PTPN6: variants seen among roughly 807,000 people sequenced by gnomAD.
The protein encoded by PTPN6 is protein tyrosine phosphatase non-receptor type 6.
Under a neutral mutation model 81.5 loss-of-function variants are expected in PTPN6, and 18 were observed. That is an observed-to-expected ratio of 0.22 (90% confidence interval 0.15 to 0.33). The LOEUF (loss-of-function observed/expected upper bound fraction) is 0.33, where lower values mean the gene tolerates loss of function less well. Ranked by LOEUF, PTPN6 falls within the 10% of genes least tolerant of loss-of-function variation. The probability of loss-of-function intolerance (pLI) is 1.00; values close to 1 mark genes in which losing one functional copy is unlikely to be tolerated. For synonymous variants in PTPN6, 301 were observed against 310.9 expected, an observed-to-expected ratio of 0.97 and a Z score of 0.33; for missense variants, 500 against 794.2, an observed-to-expected ratio of 0.63 and a Z score of 4.45.
rs1946094299 is a variant in PTPN6 at position 6,959,713 on chromosome 12, C to T, written c.1362-214C>T. Reference sequence around the variant, plus strand: ...GGAAGGATGGTGGCAGCTGGGGAGCCAGCGTCAGCACCGCAGAGCCCGAGG... The same window carrying T: ...GGAAGGATGGTGGCAGCTGGGGAGCTAGCGTCAGCACCGCAGAGCCCGAGG... On this transcript the variant is annotated intron_variant, in intron 11 of 15. Transcript: ENST00000318974. The surrounding 1 kb of genome is among the most constrained non-coding windows in gnomAD (Gnocchi z 6.6). 4.9e-6 allele frequency: 3 copies of T among 613,274 alleles called. No individual in the cohort carries two copies. The highest frequency in any genetic ancestry group is 3.7e-5 in the African/African-American group (2 of 54,314). 38.0% of individuals were successfully genotyped at this position (613,274 alleles called of 1,614,324 possible). A position where few individuals can be genotyped will look rare whatever the true frequency, so the allele number is the denominator to read the frequency against.
chr12:6,946,733 C>A, upstream of PTPN6: 1 of 1,612,380 alleles, frequency 6.2e-7, no homozygotes, highest in Non-Finnish European at 8.5e-7. Context: ...GAGATGCTGT[C>A]CCGTGGGTAA....
At chr12:6,953,964 A>G (rs1565581038) in intron 3 of PTPN6, among the ~76,000 whole-genome samples, 1 of 147,098 alleles carries the variant, frequency 6.8e-6, no homozygotes, top group Non-Finnish European at 1.5e-5. Flanking sequence ...CTCACTTCTC[A>G]CTCTCTCCCC....
Position 6,952,043 on chromosome 12 carries a change from T to C in PTPN6, c.192T>C (p.Tyr64=), listed in dbSNP as rs1468285898. The change falls in exon 3 of 16, where the codon TAT becomes TAC. Residue 64 remains tyrosine, a synonymous_variant. Transcript: ENST00000318974. The surrounding 1 kb of genome is among the most constrained non-coding windows in gnomAD (Gnocchi z 8.1). ...IQNSGDFYDL[Y]GGEKFATLTE... ...ACTCAGGGGATTTCTATGACCTGTATGGAGGGGAGAAGTTTGCGACTCTGA... is the reference window on the plus strand; with the variant it reads ...ACTCAGGGGATTTCTATGACCTGTACGGAGGGGAGAAGTTTGCGACTCTGA... 3 of 1,614,004 alleles carry C rather than the reference T, an allele frequency of 1.9e-6. No individual in the cohort carries two copies. Among genetic ancestry groups the C allele is most frequent in the Non-Finnish European group, 2.5e-6 (3 of 1,180,030 alleles).
At chr12:6,947,539 C>T (rs1945846159), upstream of PTPN6, among the ~76,000 whole-genome samples, 2 of 151,942 alleles carry the variant, frequency 1.3e-5, no homozygotes, top group South Asian at 4.1e-4. Context: ...TGTGGTGGCA[C>T]ACGTCCTGTG....
In PTPN6 at chr12:6,959,921, C is replaced by T. The variant is rs782384142; in HGVS notation, c.1362-6C>T. The T allele has an allele frequency of 4.3e-6, 7 of 1,611,064 alleles. No individual in the cohort carries two copies. The South Asian group carries it at 7.7e-5, about 18-fold the overall frequency. On this transcript the variant is annotated splice_region_variant and splice_polypyrimidine_tract_variant and intron_variant, in intron 11 of 15. Coordinates refer to ENST00000318974, the MANE Select transcript of PTPN6 (RefSeq NM_002831.6). This position sits in a 1 kb window ranked among gnomAD's most constrained non-coding sequence, Gnocchi z 6.6. Reference sequence around the variant, plus strand: ...GGCCTCTGATGGCACCCCCGTCTTTCCCCAGCGCCGGCATCGGCCGCACAG... The same window carrying T: ...GGCCTCTGATGGCACCCCCGTCTTTTCCCAGCGCCGGCATCGGCCGCACAG...
At position 6,956,107 on chromosome 12, in the gene PTPN6, C is replaced by T. The variant is rs782421799; in HGVS notation, c.845-35C>T. 6.2e-7 allele frequency: 1 copy of T among 1,610,630 alleles called. No individual in the cohort carries two copies. The highest frequency in any genetic ancestry group is 1.1e-5 in the South Asian group (1 of 91,000). ...CAGGTGTGGTGAGTCCCTGGCTAAC[C>T]CAGACCATCTCGCCTCCTCTCCGCC... On this transcript the variant is annotated intron_variant, in intron 7 of 15. Coordinates refer to ENST00000318974, the MANE Select transcript of PTPN6 (RefSeq NM_002831.6). The surrounding 1 kb of genome is among the most constrained non-coding windows in gnomAD (Gnocchi z 4.1).
Position 6,956,957 on chromosome 12 carries a change from AAGT to A in PTPN6, c.1074+390_1074+392del, listed in dbSNP as rs1555148817. Among the ~76,000 whole-genome samples, 2 of 152,170 alleles carry A rather than the reference AAGT, an allele frequency of 1.3e-5. No individual in the cohort carries two copies. Among genetic ancestry groups the A allele is most frequent in the African/African-American group, 2.4e-5 (1 of 41,430 alleles). On this transcript the variant is annotated intron_variant, in intron 9 of 15. Transcript: ENST00000318974. The surrounding 1 kb of genome is among the most constrained non-coding windows in gnomAD (Gnocchi z 4.1). ...TCCCATCCGTGACACAAACTGGGTC[AAGT>A]TCCTTCCTTTCTGAAATCTCTTCCA... is the stretch of plus-strand genomic sequence containing the variant.
rs918285820 is a variant in PTPN6 at position 6,959,088 on chromosome 12, C to A, written c.1362-839C>A. Among the ~76,000 whole-genome samples, 1 of 152,240 alleles carries A rather than the reference C, an allele frequency of 6.6e-6. No individual in the cohort carries two copies. Among genetic ancestry groups the A allele is most frequent in the African/African-American group, 2.4e-5 (1 of 41,468 alleles). ...TCCTCTTCCCCCAGCAGCTGTTTGT[C>A]CTGGGACAGGGCAAGTCGGCTGAAT... On this transcript the variant is annotated intron_variant, in intron 11 of 15. Coordinates refer to ENST00000318974, the MANE Select transcript of PTPN6 (RefSeq NM_002831.6). The surrounding 1 kb of genome is among the most constrained non-coding windows in gnomAD (Gnocchi z 6.6).
At chr12:6,946,932 CCT>C (rs2138247318), upstream of PTPN6, among the ~76,000 whole-genome samples, 1 of 152,330 alleles carries the variant, frequency 6.6e-6, no homozygotes, top group Non-Finnish European at 1.5e-5. Context: ...TCCTCTGCCC[CCT>C]CTTTAACATT....
chr12:6,960,361 G>A lies in PTPN6; in HGVS notation c.1599G>A (p.Glu533=). ...LEVLQSQKGQ[E]SEYGNITYPP... is the part of the protein sequence containing the mutation. ...GCCCACAGTCGCAGAAGGGCCAGGA[G>A]TCGGAGTACGGGAACATCACCTATC... The change falls in exon 14 of 16, where the codon GAG becomes GAA. Residue 533 remains glutamate, a synonymous_variant. Coordinates refer to ENST00000318974, the MANE Select transcript of PTPN6 (RefSeq NM_002831.6). The surrounding 1 kb of genome is among the most constrained non-coding windows in gnomAD (Gnocchi z 6.1). 1 of 1,613,586 alleles carries A rather than the reference G, an allele frequency of 6.2e-7. No individual in the cohort carries two copies. The highest frequency in any genetic ancestry group is 8.5e-7 in the Non-Finnish European group (1 of 1,179,998).
At chr12:6,958,316 G>A (rs1245623630) in intron 11 of PTPN6, among the ~76,000 whole-genome samples, 6 of 152,196 alleles carry the variant, frequency 3.9e-5, no homozygotes, top group Non-Finnish European at 4.4e-5. Flanking sequence ...GTACCATCTC[G>A]CCCAACCCTG....
intron 11 of PTPN6, among the ~76,000 whole-genome samples, chr12:6,958,391 C>T (rs1182353542): frequency 2.0e-5 from 3 of 152,244 alleles, no homozygotes; most frequent in African/African-American, 7.2e-5. Flanking sequence ...AGGGCAAGGC[C>T]GGGCAGGCAC....
Position 6,960,120 on chromosome 12 carries a change from A to G in PTPN6, c.1462A>G (p.Ile488Val). The G allele has an allele frequency of 6.2e-7, 1 of 1,613,832 alleles. No homozygotes were observed. The highest frequency in any genetic ancestry group is 8.5e-7 in the Non-Finnish European group (1 of 1,180,020). Residue 488 changes from isoleucine to valine, a missense_variant, in exon 13 of 16, where the codon ATC becomes GTC. Physicochemically the swap from Ile to Val is conservative, Grantham distance 29. Coordinates refer to ENST00000318974, the MANE Select transcript of PTPN6 (RefSeq NM_002831.6). The surrounding 1 kb of genome is among the most constrained non-coding windows in gnomAD (Gnocchi z 6.1). ...CTGTGACATTGACATCCAGAAGACC[A>G]TCCAGATGGTGCGGGCGCAGCGCTC... The part of the protein sequence containing the change: ...LDCDIDIQKT[I>V]QMVRAQRSGM...
At chr12:6,958,196 G>T in intron 11 of PTPN6, 123 bp downstream of exon 11, 1 of 1,356,912 alleles carries the variant, frequency 7.4e-7, no homozygotes, top group South Asian at 1.2e-5. Context: ...CTCACCCCCG[G>T]CTTCTCCTGG....
chr12:6,960,506 G>A lies in PTPN6; in HGVS notation c.1673+71G>A, dbSNP rs922157985. On this transcript the variant is annotated intron_variant, in intron 14 of 15. Coordinates refer to ENST00000318974, the MANE Select transcript of PTPN6 (RefSeq NM_002831.6). This position sits in a 1 kb window ranked among gnomAD's most constrained non-coding sequence, Gnocchi z 6.1. Reference sequence around the variant, plus strand: ...TGCCCAGCCCGATCCTCACTTTCTGGAGAGGACAAGTGTTGCAGCTGGGGG... The same window carrying A: ...TGCCCAGCCCGATCCTCACTTTCTGAAGAGGACAAGTGTTGCAGCTGGGGG... 7 of 1,527,332 alleles carry A rather than the reference G, an allele frequency of 4.6e-6. No individual in the cohort carries two copies. In the African/African-American group the frequency reaches 9.6e-5, roughly 21 times the overall value. The allele number at this position is 1,527,332 out of a possible 1,614,324, so 94.6% of individuals were successfully genotyped here.
In PTPN6 at chr12:6,954,735, T is replaced by C; in HGVS notation, c.327-70T>C. On this transcript the variant is annotated intron_variant, in intron 3 of 15. Transcript: ENST00000318974. This position sits in a 1 kb window ranked among gnomAD's most constrained non-coding sequence, Gnocchi z 5.4. ...AGGTGCTTGATTTCCGGCCCCTCTC[T>C]GTGAATGTCTCTGCTCAGCGCCTTC... 2 of 1,501,358 alleles carry C rather than the reference T, an allele frequency of 1.3e-6. No homozygotes were observed. The highest frequency in any genetic ancestry group is 1.8e-6 in the Non-Finnish European group (2 of 1,098,886). 93.0% of individuals were successfully genotyped at this position (1,501,358 alleles called of 1,614,324 possible).
upstream of PTPN6, among the ~76,000 whole-genome samples, chr12:6,948,501 GAAAAAAAGGAAAGAGCGAGAAAGAAGA>G (rs1945865287): frequency 7.1e-6 from 1 of 140,366 alleles, no homozygotes; most frequent in Non-Finnish European, 1.5e-5. Flanking sequence ...GAGAAAGAAG[GAAAAAAAGGAAAGAGCGAGAAAGAAGA>G]AAGAAAAGGA....
At chr12:6,958,152 T>C (rs946883713) in intron 11 of PTPN6, 79 bp downstream of exon 11, 25 of 1,569,058 alleles carry the variant, frequency 1.6e-5, no homozygotes, top group Non-Finnish European at 2.0e-5. Context: ...TTATAAGCAA[T>C]ATAAACGTTA....
At position 6,955,300 on chromosome 12, in the gene PTPN6, C is replaced by T. The variant is rs782270372; in HGVS notation, c.633+33C>T. The T allele has an allele frequency of 1.9e-6, 3 of 1,610,836 alleles. No individual in the cohort carries two copies. The highest frequency in any genetic ancestry group is 2.5e-6 in the Non-Finnish European group (3 of 1,177,406). On this transcript the variant is annotated intron_variant, in intron 5 of 15. Transcript: ENST00000318974. The surrounding 1 kb of genome is among the most constrained non-coding windows in gnomAD (Gnocchi z 7.2). The stretch of plus-strand genomic sequence containing the variant: ...GTGGGCCCAGCTGCCTCCCCACTTC[C>T]CCTGAGCTGTCCCCCAGATGTGAGC...
Sources: allele counts gnomAD v4.1 joint callset (sites outside exome capture counted in the v4.1 genomes callset), GRCh38; gene constraint gnomAD v4.1.1; non-coding constraint Gnocchi (gnomAD v3.1); transcripts MANE v1.5; gene names NCBI Gene and HGNC (gene_info 2026-07-23, HGNC 2026-07-21).